Variants in NFATC3 observed in about 807,000 individuals in gnomAD.
The protein encoded by NFATC3 is nuclear factor of activated T-cells, cytoplasmic 3.
Under a neutral mutation model 98.6 loss-of-function variants are expected in NFATC3, and 46 were observed. The observed-to-expected ratio is 0.47, with a 90% CI of 0.37 to 0.60. The LOEUF (loss-of-function observed/expected upper bound fraction) is 0.60. Among genes scored for constraint, NFATC3 ranks in the 20% least tolerant of loss-of-function variants. The pLI, the probability that NFATC3 is intolerant of heterozygous loss-of-function variation, is 0.00. For synonymous variants in NFATC3, 512 were observed against 472.2 expected (o/e 1.08, Z -1.09); for missense variants, 1,256 against 1,295.5 (o/e 0.97, Z 0.47).
chr16:68,100,081 C>T (rs955326879), intron 1 of NFATC3, among the ~76,000 whole-genome samples: 1 of 152,156 alleles, frequency 6.6e-6, no homozygotes, highest in Non-Finnish European at 1.5e-5. Context: ...AGTAGTGTTC[C>T]ATCATATGGA....
intron 9 of NFATC3, among the ~76,000 whole-genome samples, chr16:68,204,529 T>TA (rs1197580088): frequency 6.6e-6 from 1 of 152,248 alleles, no homozygotes; most frequent in Non-Finnish European, 1.5e-5. Flanking sequence ...TCAGAGACCT[T>TA]AAGCACATCC....
Position 68,126,499 on chromosome 16 carries a change from A to G in NFATC3, c.1290A>G (p.Gln430=). The part of the protein sequence containing the change: ...LDWPLPAHFG[Q]CELKIEVQPK... ...GGCCTTTACCAGCTCATTTTGGACA[A>G]TGTGAACTGAAAATAGAAGTGCAAC... is the stretch of plus-strand genomic sequence containing the variant. The change falls in exon 3 of 10, where the codon CAA becomes CAG. Residue 430 remains glutamine (Q), a synonymous_variant. Transcript: ENST00000346183. 3 of 1,614,182 alleles carry G rather than the reference A, an allele frequency of 1.9e-6. No homozygotes were observed. The highest frequency in any genetic ancestry group is 1.7e-5 in the Admixed American group (1 of 60,028).
At chr16:68,150,954 G>C (rs1598449854) in intron 3 of NFATC3, among the ~76,000 whole-genome samples, 1 of 151,792 alleles carries the variant, frequency 6.6e-6, no homozygotes, top group Non-Finnish European at 1.5e-5. Flanking sequence ...ATTTCCTGAG[G>C]CCCCCCCAGC....
chr16:68,185,339 C>T (rs1343524509), intron 8 of NFATC3, among the ~76,000 whole-genome samples: 1 of 152,044 alleles, frequency 6.6e-6, no homozygotes, highest in African/African-American at 2.4e-5. Context: ...ACAAGTTGAC[C>T]TGCTGTTAAA....
chr16:68,211,379 G>A (rs1347387643), intron 9 of NFATC3, among the ~76,000 whole-genome samples: 2 of 151,828 alleles, frequency 1.3e-5, no homozygotes, highest in African/African-American at 2.4e-5. Context: ...GTAGAGACGG[G>A]GTTTCACCAT....
intron 9 of NFATC3, among the ~76,000 whole-genome samples, chr16:68,222,149 A>G (rs1678275523): frequency 1.3e-5 from 2 of 151,592 alleles, no homozygotes; most frequent in Non-Finnish European, 2.9e-5. Flanking sequence ...AAAATCCAAA[A>G]ATTAGAAAGG....
rs904646299 is a variant in NFATC3 at position 68,087,100 on chromosome 16, G to A, written c.103+1316G>A. Among the ~76,000 whole-genome samples, 26 of 152,336 alleles carry A rather than the reference G, an allele frequency of 1.7e-4. No homozygotes were observed. In the South Asian group the frequency reaches 2.1e-3, roughly 12 times the overall value. ...TAGTAGAGGAAGAAACAGGAAAAGT[G>A]GCATTTGTGGAGAGTGTAGCATTGA... On this transcript the variant is annotated intron_variant, in intron 1 of 9. Coordinates refer to ENST00000346183, the MANE Select transcript of NFATC3 (RefSeq NM_173165.3).
chr16:68,098,794 C>T (rs950124398), intron 1 of NFATC3, among the ~76,000 whole-genome samples: 3 of 152,154 alleles, frequency 2.0e-5, no homozygotes, highest in Non-Finnish European at 1.5e-5. Context: ...AACTAATGCT[C>T]TTGAACATCT....
chr16:68,194,572 G>A (rs1050191489), intron 9 of NFATC3, among the ~76,000 whole-genome samples: 4 of 152,208 alleles, frequency 2.6e-5, no homozygotes, highest in Admixed American at 6.5e-5. Flanking sequence ...AGCAGTTTTA[G>A]ACTAACTCTT....
intron 3 of NFATC3, among the ~76,000 whole-genome samples, chr16:68,140,861 G>T (rs568879019): frequency 6.6e-6 from 1 of 152,192 alleles, no homozygotes; most frequent in Admixed American, 6.5e-5. Flanking sequence ...GAATTGTGTA[G>T]TGGTGAAGTC....
intron 1 of NFATC3, among the ~76,000 whole-genome samples, chr16:68,121,570 T>A (rs1259204302): frequency 6.6e-6 from 1 of 150,572 alleles, no homozygotes; most frequent in Admixed American, 6.6e-5. Flanking sequence ...CTCCAGAGGC[T>A]GAGGAAAGGA....
chr16:68,123,708 A>T (rs915294948), intron 2 of NFATC3, among the ~76,000 whole-genome samples: 4 of 151,870 alleles, frequency 2.6e-5, no homozygotes, highest in African/African-American at 4.8e-5. Context: ...TACTAAGAAA[A>T]CTATTTGGGG....
intron 9 of NFATC3, chr16:68,209,559 G>T: frequency 3.2e-6 from 1 of 316,452 alleles, no homozygotes; most frequent in Non-Finnish European, 6.3e-6. Flanking sequence ...GGCCTAGCAC[G>T]TGGAATTTGC....
chr16:68,183,046 A>G (rs933773579), intron 7 of NFATC3, among the ~76,000 whole-genome samples, 194 bp from the exon 8 acceptor site: 1 of 152,196 alleles, frequency 6.6e-6, no homozygotes, highest in African/African-American at 2.4e-5. Flanking sequence ...TTTCTCTTTT[A>G]TTGATTAAAA....
intron 9 of NFATC3, among the ~76,000 whole-genome samples, chr16:68,218,490 C>A (rs2041721084): frequency 7.3e-6 from 1 of 137,140 alleles, no homozygotes; most frequent in Non-Finnish European, 1.5e-5. Context: ...GCACTCCAGC[C>A]TGGGCGACAG....
At chr16:68,225,435 T>C (rs747078825) in intron 9 of NFATC3, 2 of 152,236 alleles carry the variant, frequency 1.3e-5, no homozygotes, top group African/African-American at 2.4e-5. Flanking sequence ...CTATTTCACT[T>C]AGCAGACTGT....
At chr16:68,187,640 T>G (rs182272422) in intron 8 of NFATC3, among the ~76,000 whole-genome samples, 96 of 152,284 alleles carry the variant, frequency 6.3e-4, no homozygotes, top group Non-Finnish European at 1.1e-3. Flanking sequence ...TGTTGTCTTC[T>G]CAGCCCTCAG....
intron 4 of NFATC3, among the ~76,000 whole-genome samples, chr16:68,164,839 C>A (rs909354584): frequency 6.6e-6 from 1 of 152,114 alleles, no homozygotes; most frequent in Non-Finnish European, 1.5e-5. Context: ...AAGATGGCGC[C>A]ACTGCACTCC....
chr16:68,120,959 G>A (rs2418736), intron 1 of NFATC3, among the ~76,000 whole-genome samples: 42,154 of 151,758 alleles, frequency 0.28, 7,379 homozygotes, highest in African/African-American at 0.5. Flanking sequence ...TTCATTCACC[G>A]AATTATTAAA....
Sources: gnomAD v4.1 joint callset for allele counts (sites outside exome capture counted in the v4.1 genomes callset) on GRCh38, gnomAD v4.1.1 for gene constraint, MANE v1.5 for transcripts, NCBI Gene and HGNC (gene_info 2026-07-23, HGNC 2026-07-21) for gene names.